SMCHD1: variants seen among roughly 807,000 people sequenced by gnomAD.
The protein encoded by SMCHD1 is structural maintenance of chromosomes flexible hinge domain containing 1.
SMCHD1 carries 78 observed loss-of-function variants against 254.7 expected under a neutral mutation model. The ratio of observed to expected loss-of-function variants is 0.31; its 90% CI spans 0.26 to 0.37. SMCHD1 has a LOEUF of 0.37. Ranked by LOEUF, SMCHD1 falls within the 10% of genes least tolerant of loss-of-function variation. The pLI, the probability that SMCHD1 is intolerant of heterozygous loss-of-function variation, is 1.00. For synonymous variants in SMCHD1, 766 were observed against 794.9 expected (o/e 0.96, Z 0.61); for missense variants, 1,840 against 2,408.1 (o/e 0.76, Z 4.94).
At position 2,802,581 on chromosome 18, in the gene SMCHD1, C is replaced by T. The variant is rs762822987; in HGVS notation, c.*29C>T. On this transcript the variant is annotated 3_prime_UTR_variant, in exon 48 of 48. Coordinates refer to ENST00000320876, the MANE Select transcript of SMCHD1 (RefSeq NM_015295.3). Reference sequence around the variant, plus strand: ...GTGACAGAGAGAAGAGGCCATTGGTCTCAGTAAGAATGCCCTGCTTTCTGC... The same window carrying T: ...GTGACAGAGAGAAGAGGCCATTGGTTTCAGTAAGAATGCCCTGCTTTCTGC... 8.4e-6 allele frequency: 13 copies of T among 1,543,572 alleles called. No homozygotes were observed. The highest frequency in any genetic ancestry group is 1.1e-5 in the Non-Finnish European group (12 of 1,142,624).
intron 13 of SMCHD1, 87 bp downstream of exon 13, chr18:2,703,973 C>A: frequency 1.9e-6 from 2 of 1,075,932 alleles, no homozygotes; most frequent in Non-Finnish European, 2.5e-6. Flanking sequence ...AGAAAATAAG[C>A]TATTTTTAAA....
intron 33 of SMCHD1, 26 bp downstream of exon 33, chr18:2,751,419 A>G (rs2143625497): frequency 3.2e-6 from 4 of 1,241,140 alleles, no homozygotes; most frequent in Non-Finnish European, 4.5e-6. Flanking sequence ...CATTTTTTGA[A>G]GTTAAAAATA....
chr18:2,755,565 CTTTTTTTTTTT>C (rs11413061), intron 34 of SMCHD1, among the ~76,000 whole-genome samples: 1 of 108,142 alleles, frequency 9.2e-6, no homozygotes, highest in African/African-American at 3.8e-5. Flanking sequence ...TTCTTTCTTT[CTTTTTTTTTTT>C]TTTTTTTTTG....
chr18:2,738,290 G>T, intron 25 of SMCHD1, 107 bp from the exon 26 acceptor site: 3 of 1,023,204 alleles, frequency 2.9e-6, no homozygotes, highest in East Asian at 2.9e-5. Context: ...CTTTTTTCTT[G>T]GGGGTGAAGA....
Position 2,705,776 on chromosome 18 carries a change from A to G in SMCHD1, c.1925A>G (p.Tyr642Cys). 2 of 1,606,748 alleles carry G rather than the reference A, an allele frequency of 1.2e-6. No homozygotes were observed. Among genetic ancestry groups the G allele is most frequent in the Non-Finnish European group, 1.7e-6 (2 of 1,175,116 alleles). ...FLYGDHDGEV[Y>C]ATGGEVQIAM... ...TATGGCGATCATGATGGAGAAGTAT[A>G]TGCTACAGGAGGAGAGGTTCAAATT... The change falls in exon 14 of 48, where the codon TAT (tyrosine) becomes TGT (cysteine). Residue 642 changes from tyrosine (Y) to cysteine (C), a missense_variant. By Grantham distance (194) the Tyr-to-Cys change is radical. Transcript: ENST00000320876.
In SMCHD1 at chr18:2,655,924, T is replaced by G. The variant is rs2073037985; in HGVS notation, c.-152T>G. The G allele has an allele frequency of 4.0e-6, 2 of 496,806 alleles. No individual in the cohort carries two copies. Among genetic ancestry groups the G allele is most frequent in the South Asian group, 1.1e-4 (1 of 9,478 alleles). 30.8% of individuals were successfully genotyped at this position (496,806 alleles called of 1,614,324 possible). ...GGGTGATCCTCGCGCCTGCCGCTGC[T>G]CGGCCGCCGCCGCTGACGAGGAGCT... On this transcript the variant is annotated 5_prime_UTR_variant, in exon 1 of 48. Coordinates refer to ENST00000320876, the MANE Select transcript of SMCHD1 (RefSeq NM_015295.3).
rs11297278 is a variant in SMCHD1 at position 2,798,349 on chromosome 18, CA to C, written c.5993+1831del. Among the ~76,000 whole-genome samples the C allele has an allele frequency of 2.8e-3, 432 of 152,238 alleles. 1 individual carries two copies. The highest frequency in any genetic ancestry group is 9.9e-3 in the African/African-American group (410 of 41,534). On this transcript the variant is annotated intron_variant, in intron 47 of 47. Coordinates refer to ENST00000320876, the MANE Select transcript of SMCHD1 (RefSeq NM_015295.3). ...TATACAGACTATTAAGCTGATCATT[CA>C]AAGTGTGTTGGGGCAGTTTAGCATC...
intron 47 of SMCHD1, among the ~76,000 whole-genome samples, chr18:2,798,631 G>A (rs1198791569): frequency 6.6e-6 from 1 of 152,150 alleles, no homozygotes; most frequent in African/African-American, 2.4e-5. Flanking sequence ...ATAATATGGT[G>A]TCTGGGATAT....
chr18:2,697,923 T>G lies in SMCHD1; in HGVS notation c.1224T>G (p.Ala408=). The G allele has an allele frequency of 6.2e-7, 1 of 1,613,624 alleles. No individual in the cohort carries two copies. Among genetic ancestry groups the G allele is most frequent in the Non-Finnish European group, 8.5e-7 (1 of 1,179,634 alleles). The change falls in exon 10 of 48, where the codon GCT becomes GCG. Residue 408 remains alanine (A), a synonymous_variant. Transcript: ENST00000320876. ...AGACGTTGTATGTAAACACAGCAGC[T>G]GATAGTTTTGAATTCAAAGCTCATG... ...DMQTLYVNTA[A]DSFEFKAHVE...
At position 2,683,158 on chromosome 18, in the gene SMCHD1, A is replaced by C. The variant is rs1443008013; in HGVS notation, c.639-5236A>C. On this transcript the variant is annotated intron_variant, in intron 5 of 47. Coordinates refer to ENST00000320876, the MANE Select transcript of SMCHD1 (RefSeq NM_015295.3). ...ATTTTCCCAGAAATATTTTAAGGAA[A>C]ATATCAGAGAGTATTTTCAACTTAT... 3.3e-5 allele frequency among the ~76,000 whole-genome samples: 5 copies of C among 152,186 alleles called. No individual in the cohort carries two copies. The East Asian group carries it at 7.7e-4, about 23-fold the overall frequency.
At chr18:2,767,996 G>A (rs530264888) in intron 37 of SMCHD1, among the ~76,000 whole-genome samples, 1 of 152,012 alleles carries the variant, frequency 6.6e-6, no homozygotes, top group Non-Finnish European at 1.5e-5. Context: ...CATAGAAAAG[G>A]TATAGTAAAA....
At chr18:2,764,541 A>G (rs2075836270) in intron 37 of SMCHD1, among the ~76,000 whole-genome samples, 2 of 152,172 alleles carry the variant, frequency 1.3e-5, no homozygotes, top group Admixed American at 1.3e-4. Flanking sequence ...TCTTCTATGT[A>G]TAGTCAGCCC....
At chr18:2,698,322 T>C (rs1378220487) in intron 10 of SMCHD1, among the ~76,000 whole-genome samples, 1 of 152,198 alleles carries the variant, frequency 6.6e-6, no homozygotes, top group South Asian at 2.1e-4. Context: ...TATGTTCCCT[T>C]GTCTTCTCTT....
chr18:2,743,101 A>C (rs150104305), intron 28 of SMCHD1, among the ~76,000 whole-genome samples: 227 of 152,338 alleles, frequency 1.5e-3, no homozygotes, highest in African/African-American at 5.3e-3. Context: ...ATTAAAATAC[A>C]AATACTGCAG....
At chr18:2,732,867 A>G (rs1217903172) in intron 25 of SMCHD1, among the ~76,000 whole-genome samples, 1 of 152,248 alleles carries the variant, frequency 6.6e-6, no homozygotes, top group East Asian at 1.9e-4. Context: ...GTTAAAGGCA[A>G]GCAGTGAAAC....
intron 30 of SMCHD1, 66 bp downstream of exon 30, chr18:2,747,713 T>TA: frequency 8.1e-7 from 1 of 1,232,698 alleles, no homozygotes; most frequent in Non-Finnish European, 1.1e-6. Flanking sequence ...ATAGTATCTT[T>TA]AGCTGTCATA....
At position 2,748,380 on chromosome 18, in the gene SMCHD1, G is replaced by GTGTGTGTGTATATA. The variant is rs561439889; in HGVS notation, c.3927+736_3927+737insGTGTGTATATATGT. On this transcript the variant is annotated intron_variant, in intron 30 of 47. Coordinates refer to ENST00000320876, the MANE Select transcript of SMCHD1 (RefSeq NM_015295.3). The stretch of plus-strand genomic sequence containing the variant: ...TGTGTGTGTGTGTGTGTGTGTGTGT[G>GTGTGTGTGTATATA]TGTATATAAATTTTTTTTTTTTTTT... Among the ~76,000 whole-genome samples the GTGTGTGTGTATATA allele has an allele frequency of 3.7e-4, 30 of 80,248 alleles. 1 individual carries two copies. Among genetic ancestry groups the GTGTGTGTGTATATA allele is most frequent in the Admixed American group, 1.4e-3 (10 of 7,062 alleles). 52.6% of individuals were successfully genotyped at this position (80,248 alleles called of 152,430 possible).
chr18:2,690,053 T>A (rs1482298728), intron 7 of SMCHD1, among the ~76,000 whole-genome samples: 1 of 152,200 alleles, frequency 6.6e-6, no homozygotes, highest in Non-Finnish European at 1.5e-5. Context: ...TTTGAACTTT[T>A]AAAAATTTGG....
chr18:2,764,632 T>C (rs957026613), intron 37 of SMCHD1, among the ~76,000 whole-genome samples: 1 of 152,232 alleles, frequency 6.6e-6, no homozygotes, highest in African/African-American at 2.4e-5. Flanking sequence ...CATACATTTT[T>C]CTTGTCAGTA....
Sources: allele counts gnomAD v4.1 joint callset (sites outside exome capture counted in the v4.1 genomes callset), GRCh38; gene constraint gnomAD v4.1.1; transcripts MANE v1.5; gene names NCBI Gene and HGNC (gene_info 2026-07-23, HGNC 2026-07-21).